The following IKBKB variants were observed in gnomAD, a reference collection of about 807,000 sequenced individuals.
IKBKB encodes the protein inhibitor of nuclear factor kappa B kinase subunit beta, also known as inhibitor of nuclear factor kappa-B kinase subunit beta.
Under a neutral mutation model 113.6 loss-of-function variants are expected in IKBKB, and 42 were observed. The ratio of observed to expected loss-of-function variants is 0.37; its 90% CI spans 0.29 to 0.48. IKBKB has a LOEUF of 0.48. Among genes scored for constraint, IKBKB ranks in the 20% least tolerant of loss-of-function variants. The pLI is 0.99. For missense variants in IKBKB, 673 were observed against 939.7 expected (o/e 0.72, Z 3.71); for synonymous variants, 296 against 361.3 (o/e 0.82, Z 2.05).
At chr8:42,280,848 T>C (rs558638775) in intron 2 of IKBKB, among the ~76,000 whole-genome samples, 16 of 152,262 alleles carry the variant, frequency 1.1e-4, no homozygotes, top group Non-Finnish European at 1.6e-4. Context: ...TGTCCCTTTA[T>C]GGGACAAGGC....
Position 42,294,617 on chromosome 8 carries a change from G to A in IKBKB, c.388+1105G>A, listed in dbSNP as rs146515633. On this transcript the variant is annotated intron_variant, in intron 5 of 21. Coordinates refer to ENST00000520810, the MANE Select transcript of IKBKB (RefSeq NM_001556.3). ...TTTAAGGTTAAGATCCAAATAGTCT[G>A]ACACAGAAAATTCCCATCTTGCTCT... Among the ~76,000 whole-genome samples the A allele has an allele frequency of 1.7e-4, 26 of 152,346 alleles. No homozygotes were observed. In the East Asian group the frequency reaches 4.8e-3, roughly 28 times the overall value.
At chr8:42,330,136 A>C (rs1240890252) in intron 21 of IKBKB, 5 of 985,268 alleles carry the variant, frequency 5.1e-6, no homozygotes, top group Non-Finnish European at 6.0e-6. Context: ...TCCATAACTG[A>C]GATTAGCTAC....
chr8:42,279,294 G>T (rs562894948), intron 2 of IKBKB, among the ~76,000 whole-genome samples: 1 of 152,360 alleles, frequency 6.6e-6, no homozygotes, highest in South Asian at 2.1e-4. Flanking sequence ...CCTCTTAAAA[G>T]AAGCAGCTGG....
intron 2 of IKBKB, among the ~76,000 whole-genome samples, chr8:42,282,361 C>A (rs569979716): frequency 5.3e-4 from 80 of 152,152 alleles, no homozygotes; most frequent in Non-Finnish European, 1.0e-3. Context: ...TACTACTATG[C>A]CTGGCTAGTT....
chr8:42,293,632 G>C, intron 5 of IKBKB, 120 bp downstream of exon 5: 5 of 1,557,300 alleles, frequency 3.2e-6, no homozygotes, highest in Non-Finnish European at 3.5e-6. Flanking sequence ...GAAGGGGAAT[G>C]GGAGCCCAGG....
chr8:42,273,358 T>G (rs1013568333), intron 2 of IKBKB, among the ~76,000 whole-genome samples: 3 of 151,734 alleles, frequency 2.0e-5, no homozygotes, highest in African/African-American at 7.3e-5. Flanking sequence ...GAGGTTGCAG[T>G]GAGCCGAGAT....
At chr8:42,297,604 T>C (rs1814155996) in intron 5 of IKBKB, among the ~76,000 whole-genome samples, 1 of 152,104 alleles carries the variant, frequency 6.6e-6, no homozygotes, top group Non-Finnish European at 1.5e-5. Flanking sequence ...CTGTGAGAAA[T>C]GAGCAGATGG....
At chr8:42,307,446 CTG>C (rs1219434587) in intron 7 of IKBKB, among the ~76,000 whole-genome samples, 2 of 152,198 alleles carry the variant, frequency 1.3e-5, no homozygotes, top group African/African-American at 4.8e-5. Flanking sequence ...ACTCCTGACA[CTG>C]TGTGGAGAAG....
At chr8:42,314,984 A>G (rs1178125212) in intron 9 of IKBKB, among the ~76,000 whole-genome samples, 1 of 152,162 alleles carries the variant, frequency 6.6e-6, no homozygotes, top group Non-Finnish European at 1.5e-5. Context: ...TATTACCCTT[A>G]ATAGCCTCTA....
rs1195581989 is a variant in IKBKB, at chr8:42,320,835, T to C, written c.1679T>C (p.Leu560Pro). Residue 560 changes from leucine (L) to proline (P), a missense_variant, in exon 16 of 22, where the codon CTG becomes CCG. Coordinates refer to ENST00000520810, the MANE Select transcript of IKBKB (RefSeq NM_001556.3). ...SPMGRKQGGT[L>P]DDLEEQAREL... is the part of the protein sequence containing the mutation. The stretch of plus-strand genomic sequence containing the variant: ...ATGGGCCGGAAGCAGGGGGGAACGC[T>C]GGACGACCTGTGAGTACTGGCTGGG... 1.3e-6 allele frequency: 2 copies of C among 1,590,388 alleles called. No homozygotes were observed. The highest frequency in any genetic ancestry group is 3.5e-5 in the Admixed American group (2 of 57,760).
Position 42,288,662 on chromosome 8 carries a change from A to G in IKBKB, c.134A>G (p.Gln45Arg). The change falls in exon 3 of 22, where the codon CAG becomes CGG. Residue 45 changes from glutamine to arginine, a missense_variant. Gln to Arg is a conservative substitution (Grantham distance 43, BLOSUM62 1). Around this residue, in one of 2 missense-constraint regions of IKBKB, gnomAD observed 167 missense variants for 301.0 expected, o/e 0.55. Coordinates refer to ENST00000520810, the MANE Select transcript of IKBKB (RefSeq NM_001556.3). ...ACAGGTGAGCAGATTGCCATCAAGC[A>G]GTGCCGGCAGGAGCTCAGCCCCCGG... is the stretch of plus-strand genomic sequence containing the variant. ...QETGEQIAIKQCRQELSPRNR... is the reference protein window; with the variant it reads ...QETGEQIAIKRCRQELSPRNR... 1 of 1,611,472 alleles carries G rather than the reference A, an allele frequency of 6.2e-7. No homozygotes were observed. The highest frequency in any genetic ancestry group is 1.1e-5 in the South Asian group (1 of 90,956).
At chr8:42,320,594 C>T (rs753315628) in intron 15 of IKBKB, 141 bp from the exon 16 acceptor site, 19 of 676,190 alleles carry the variant, frequency 2.8e-5, no homozygotes, top group Admixed American at 7.3e-5. Context: ...CATTCAGACC[C>T]CACAGTCCAC....
In IKBKB at chr8:42,325,445, G is replaced by A. The variant is rs898610560; in HGVS notation, c.1987-525G>A. 6.3e-6 allele frequency: 6 copies of A among 958,064 alleles called. No homozygotes were observed. The African/African-American group carries it at 1.1e-4, about 17-fold the overall frequency. The allele number at this position is 958,064 out of a possible 1,614,324, so 59.3% of individuals were successfully genotyped here. ...GATCATGAATCCCAGAACTTTGGGA[G>A]GCTGAGGCAGATCACCTGAGGTCAG... On this transcript the variant is annotated intron_variant, in intron 19 of 21. Coordinates refer to ENST00000520810, the MANE Select transcript of IKBKB (RefSeq NM_001556.3).
chr8:42,327,281 T>C (rs1820922443), intron 20 of IKBKB, among the ~76,000 whole-genome samples: 1 of 150,330 alleles, frequency 6.7e-6, no homozygotes, highest in Non-Finnish European at 1.5e-5. Context: ...TTCGCAGGAG[T>C]TCGAGGCAAG....
intron 9 of IKBKB, 109 bp downstream of exon 9, chr8:42,314,538 G>T: frequency 2.7e-6 from 2 of 752,146 alleles, no homozygotes; most frequent in Non-Finnish European, 4.8e-6. Context: ...AGTTTGGGAG[G>T]CTGAGGCAGG....
chr8:42,305,954 G>A (rs186748377), intron 6 of IKBKB, among the ~76,000 whole-genome samples: 8 of 152,354 alleles, frequency 5.3e-5, no homozygotes, highest in Admixed American at 5.2e-4. Context: ...CCTTGTTCCA[G>A]TTCACCCTCA....
chr8:42,278,270 C>A (rs1331548245), intron 2 of IKBKB, among the ~76,000 whole-genome samples: 2 of 152,126 alleles, frequency 1.3e-5, no homozygotes, highest in African/African-American at 4.8e-5. Flanking sequence ...GAGGATGGGG[C>A]ACAAGTGCCT....
Position 42,271,379 on chromosome 8 carries a change from A to G in IKBKB, c.-109A>G, listed in dbSNP as rs1003972235. On this transcript the variant is annotated 5_prime_UTR_variant, in exon 1 of 22. Transcript: ENST00000520810. Reference sequence around the variant, plus strand: ...AAGATTCCCGCATTTTAATGTTTTCAGGGGGGTGTCATAGCCCCGGGTTTG... The same window carrying G: ...AAGATTCCCGCATTTTAATGTTTTCGGGGGGGTGTCATAGCCCCGGGTTTG... 25 of 1,507,286 alleles carry G rather than the reference A, an allele frequency of 1.7e-5. No homozygotes were observed. Among genetic ancestry groups the G allele is most frequent in the Admixed American group, 5.9e-5 (3 of 50,838 alleles). 93.4% of individuals were successfully genotyped at this position (1,507,286 alleles called of 1,614,324 possible).
At chr8:42,295,675 G>A (rs1344772780) in intron 5 of IKBKB, among the ~76,000 whole-genome samples, 3 of 151,850 alleles carry the variant, frequency 2.0e-5, no homozygotes, top group East Asian at 3.9e-4. Flanking sequence ...GCAGTAAGCC[G>A]AGATTGCACC....
Sources: gnomAD v4.1 joint callset for allele counts (sites outside exome capture counted in the v4.1 genomes callset) on GRCh38, gnomAD v4.1.1 for gene constraint, gnomAD v4.1.1 regional missense constraint, MANE v1.5 for transcripts, NCBI Gene and HGNC (gene_info 2026-07-23, HGNC 2026-07-21) for gene names.